Variants in MSH3 observed in about 807,000 individuals in gnomAD.
MSH3 encodes the protein DNA mismatch repair protein Msh3.
In MSH3, 106 loss-of-function variants were observed where a neutral mutation model predicts 123.3. The observed-to-expected ratio is 0.86, with a 90% CI of 0.73 to 1.01. The LOEUF is 1.01. Ranked by LOEUF, MSH3 falls within the 50% of genes least tolerant of loss-of-function variation. The pLI is 0.00. For missense variants in MSH3, 1,459 were observed against 1,347.6 expected, an observed-to-expected ratio of 1.08 and a Z score of -1.29; for synonymous variants, 515 against 481.4, an observed-to-expected ratio of 1.07 and a Z score of -0.91.
At chr5:80,767,885 AT>A in intron 13 of MSH3, 47 bp from the exon 14 acceptor site, 2 of 1,438,994 alleles carry the variant, frequency 1.4e-6, no homozygotes, top group South Asian at 1.2e-5. Context: ...ATTAAACTTC[AT>A]TTTCATGTAT....
intron 19 of MSH3, among the ~76,000 whole-genome samples, chr5:80,796,886 G>C (rs1744707738): frequency 6.6e-6 from 1 of 151,990 alleles, no homozygotes; most frequent in Non-Finnish European, 1.5e-5. Context: ...TCTCTACTCT[G>C]CAGCCACAGG....
At chr5:80,761,373 G>A (rs1001819874) in intron 12 of MSH3, among the ~76,000 whole-genome samples, 173 bp from the exon 13 acceptor site, 5 of 152,094 alleles carry the variant, frequency 3.3e-5, no homozygotes, top group Non-Finnish European at 5.9e-5. Context: ...CAATGCATAC[G>A]CCCATTGGAG....
At chr5:80,861,993 C>G (rs1746019576) in intron 21 of MSH3, among the ~76,000 whole-genome samples, 1 of 152,126 alleles carries the variant, frequency 6.6e-6, no homozygotes, top group African/African-American at 2.4e-5. Flanking sequence ...CAGAAACTTC[C>G]CTGACCTTTT....
intron 12 of MSH3, among the ~76,000 whole-genome samples, chr5:80,746,188 A>G (rs1041537778): frequency 3.3e-5 from 5 of 152,224 alleles, no homozygotes; most frequent in Non-Finnish European, 7.3e-5. Context: ...CCGTATTCAC[A>G]CCACACATTC....
intron 20 of MSH3, among the ~76,000 whole-genome samples, chr5:80,844,466 G>T (rs192884034): frequency 6.6e-6 from 1 of 152,220 alleles, no homozygotes. Context: ...TTAACCTTCT[G>T]TCTCATTGAT....
At position 80,716,319 on chromosome 5, in the gene MSH3, AT is replaced by A. The variant is rs1225649964; in HGVS notation, c.1341-9127del. Among the ~76,000 whole-genome samples, 4 of 152,170 alleles carry A rather than the reference AT, an allele frequency of 2.6e-5. No homozygotes were observed. In the East Asian group the frequency reaches 5.8e-4, roughly 22 times the overall value. Reference sequence around the variant, plus strand: ...TTATTTAGAGTAATTCCTCTTTATGATTTTTTTGTTCTAAAGGTCGATTCTT... The same window carrying A: ...TTATTTAGAGTAATTCCTCTTTATGATTTTTTGTTCTAAAGGTCGATTCTT... On this transcript the variant is annotated intron_variant, in intron 8 of 23. Transcript: ENST00000265081.
intron 1 of MSH3, 90 bp downstream of exon 1, chr5:80,655,054 G>T: frequency 2.7e-6 from 2 of 730,912 alleles, no homozygotes; most frequent in South Asian, 2.2e-5. Flanking sequence ...CCCTCCGCCC[G>T]ATGATAGGGC....
intron 18 of MSH3, among the ~76,000 whole-genome samples, chr5:80,788,786 G>C (rs1397316183): frequency 6.8e-6 from 1 of 146,682 alleles, no homozygotes; most frequent in African/African-American, 2.5e-5. Flanking sequence ...CTGGGTGACA[G>C]AGCAAGAGCC....
intron 19 of MSH3, among the ~76,000 whole-genome samples, chr5:80,805,852 G>T (rs1207512262): frequency 1.3e-5 from 2 of 151,966 alleles, no homozygotes; most frequent in African/African-American, 4.8e-5. Context: ...CTCCCAAACT[G>T]CTGGGATTAC....
At chr5:80,676,311 G>A (rs1399872681) in intron 7 of MSH3, among the ~76,000 whole-genome samples, 1 of 152,186 alleles carries the variant, frequency 6.6e-6, no homozygotes. Context: ...GATTACAGGC[G>A]TGAGCCACCA....
intron 13 of MSH3, among the ~76,000 whole-genome samples, chr5:80,764,638 C>T (rs1192606449): frequency 6.6e-6 from 1 of 151,616 alleles, no homozygotes; most frequent in Non-Finnish European, 1.5e-5. Flanking sequence ...GTTGGGATTA[C>T]GGGTGTGAGC....
At chr5:80,791,829 A>T (rs1417325580) in intron 18 of MSH3, among the ~76,000 whole-genome samples, 1 of 152,212 alleles carries the variant, frequency 6.6e-6, no homozygotes, top group African/African-American at 2.4e-5. Flanking sequence ...ATAAATGCAC[A>T]GAAGAAGGTT....
intron 16 of MSH3, among the ~76,000 whole-genome samples, chr5:80,777,912 TCTC>T (rs1744333931): frequency 6.6e-6 from 1 of 152,118 alleles, no homozygotes; most frequent in Admixed American, 6.5e-5. Context: ...TTACAGGCGC[TCTC>T]CTAAGTTTTA....
In MSH3 at chr5:80,808,495, T is replaced by C. The variant is rs576195672; in HGVS notation, c.2656-5089T>C. Among the ~76,000 whole-genome samples, 184 of 152,274 alleles carry C rather than the reference T, an allele frequency of 1.2e-3. 1 individual carries two copies. The highest frequency in any genetic ancestry group is 2.0e-3 in the Non-Finnish European group (135 of 68,014). On this transcript the variant is annotated intron_variant, in intron 19 of 23. Transcript: ENST00000265081. ...GTTGTCTAAGGGTCATTTTGTTCTCTCACTCACTCACCACTTAGTGGTGGA... is the reference window on the plus strand; with the variant it reads ...GTTGTCTAAGGGTCATTTTGTTCTCCCACTCACTCACCACTTAGTGGTGGA...
At chr5:80,832,049 G>A (rs957188783) in intron 20 of MSH3, among the ~76,000 whole-genome samples, 1 of 152,114 alleles carries the variant, frequency 6.6e-6, no homozygotes, top group Non-Finnish European at 1.5e-5. Flanking sequence ...GGCGGAGCTT[G>A]CAGTGAGCTG....
chr5:80,807,190 CAAAAAAAA>C (rs34405208), intron 19 of MSH3, among the ~76,000 whole-genome samples: 1 of 91,472 alleles, frequency 1.1e-5, no homozygotes, highest in African/African-American at 4.3e-5. Context: ...TACCCTGTCT[CAAAAAAAA>C]AAAAAAAAAA....
At chr5:80,680,667 AACTCCTGTC>A (rs1749954029) in intron 8 of MSH3, among the ~76,000 whole-genome samples, 1 of 151,968 alleles carries the variant, frequency 6.6e-6, no homozygotes, top group Non-Finnish European at 1.5e-5. Context: ...TAGTGTCATG[AACTCCTGTC>A]ACTCTATTAG....
At chr5:80,776,902 T>C (rs1158248880) in intron 16 of MSH3, among the ~76,000 whole-genome samples, 3 of 145,362 alleles carry the variant, frequency 2.1e-5, no homozygotes, top group Non-Finnish European at 3.0e-5. Context: ...ATACAAAAAA[T>C]ATAATACAAA....
intron 20 of MSH3, among the ~76,000 whole-genome samples, chr5:80,841,674 CAT>C (rs1745627512): frequency 1.3e-5 from 2 of 152,156 alleles, no homozygotes; most frequent in African/African-American, 4.8e-5. Flanking sequence ...AGCATTTTTT[CAT>C]ATGTCTGTTG....
Sources: allele counts gnomAD v4.1 joint callset (sites outside exome capture counted in the v4.1 genomes callset), GRCh38; gene constraint gnomAD v4.1.1; transcripts MANE v1.5; gene names NCBI Gene and HGNC (gene_info 2026-07-23, HGNC 2026-07-21).